CSMD1: variants seen among roughly 807,000 people sequenced by gnomAD.
The protein encoded by CSMD1 is CUB and sushi domain-containing protein 1.
CSMD1 carries 213 observed loss-of-function variants against 417.5 expected under a neutral mutation model. The ratio of observed to expected loss-of-function variants is 0.51; its 90% CI spans 0.46 to 0.57. The LOEUF (loss-of-function observed/expected upper bound fraction) is 0.57. CSMD1 is among the 20% of genes least tolerant of loss of function. The probability of loss-of-function intolerance (pLI) is 0.00; values close to 1 mark genes in which losing one functional copy is unlikely to be tolerated. For synonymous variants in CSMD1, 2,862 were observed against 1,736.8 expected (o/e 1.65, Z -16.11); for missense variants, 6,923 against 4,529.7 (o/e 1.53, Z -15.17).
chr8:3,391,794 G>C (rs1271956166), intron 17 of CSMD1, among the ~76,000 whole-genome samples: 1 of 152,194 alleles, frequency 6.6e-6, no homozygotes, highest in East Asian at 1.9e-4. Context: ...CATTTTGTCT[G>C]TAGAGATCAT....
intron 46 of CSMD1, among the ~76,000 whole-genome samples, chr8:3,098,777 C>A (rs1006440949): frequency 2.0e-5 from 3 of 152,186 alleles, no homozygotes; most frequent in Non-Finnish European, 2.9e-5. Context: ...AGAAGCTCCA[C>A]AGACCCGCCT....
At chr8:4,823,781 C>G (rs1000090603) in intron 1 of CSMD1, among the ~76,000 whole-genome samples, 1 of 151,566 alleles carries the variant, frequency 6.6e-6, no homozygotes, top group African/African-American at 2.4e-5. Context: ...AGTGTGTGCA[C>G]AAGTGTCTCA....
intron 6 of CSMD1, among the ~76,000 whole-genome samples, chr8:3,749,777 G>A (rs1027028615): frequency 2.0e-5 from 3 of 151,554 alleles, no homozygotes; most frequent in Admixed American, 6.6e-5. Flanking sequence ...CACCCATGTC[G>A]TTACATGTAG....
intron 1 of CSMD1, among the ~76,000 whole-genome samples, chr8:4,638,773 A>G (rs557795486): frequency 2.0e-5 from 3 of 152,306 alleles, no homozygotes; most frequent in South Asian, 4.1e-4. Flanking sequence ...TTGACATGAC[A>G]ATGGGAAATG....
intron 52 of CSMD1, among the ~76,000 whole-genome samples, chr8:3,006,436 T>C (rs1807908750): frequency 1.3e-5 from 2 of 151,562 alleles, no homozygotes; most frequent in Non-Finnish European, 2.9e-5. Flanking sequence ...AAAGTTCATA[T>C]GGAACCAAAA....
At chr8:4,659,010 G>T (rs1804417877) in intron 1 of CSMD1, among the ~76,000 whole-genome samples, 1 of 151,904 alleles carries the variant, frequency 6.6e-6, no homozygotes, top group Non-Finnish European at 1.5e-5. Flanking sequence ...ATACATAAAG[G>T]GAAATGAGAG....
At chr8:4,628,621 T>A (rs995829860) in intron 2 of CSMD1, among the ~76,000 whole-genome samples, 1 of 136,504 alleles carries the variant, frequency 7.3e-6, no homozygotes, top group South Asian at 2.4e-4. Context: ...TTAAAAAAAA[T>A]GCTCTCCTCA....
rs148755780 is a variant in CSMD1, at chr8:4,300,375, T to C, written c.415+119578A>G. ...AAATAAAATATATAAACTTTATTTC[T>C]CAATATATGCTCCATCAACCTCAAG... On this transcript the variant is annotated intron_variant, in intron 3 of 69. Coordinates refer to ENST00000635120, the MANE Select transcript of CSMD1 (RefSeq NM_033225.6). 7.7e-4 allele frequency among the ~76,000 whole-genome samples: 117 copies of C among 152,318 alleles called. 1 individual carries two copies. Among genetic ancestry groups the C allele is most frequent in the African/African-American group, 2.6e-3 (110 of 41,584 alleles).
At chr8:3,580,123 A>C (rs1327078629) in intron 9 of CSMD1, among the ~76,000 whole-genome samples, 1 of 152,124 alleles carries the variant, frequency 6.6e-6, no homozygotes, top group Non-Finnish European at 1.5e-5. Flanking sequence ...AGAAAATAAA[A>C]AGAAAGAAAA....
chr8:3,363,535 A>C (rs1370257589), intron 20 of CSMD1, among the ~76,000 whole-genome samples: 1 of 149,510 alleles, frequency 6.7e-6, no homozygotes, highest in African/African-American at 2.5e-5. Context: ...TTATTTATTT[A>C]TTATTTTTTT....
chr8:3,713,241 A>G (rs1801629803), intron 6 of CSMD1, among the ~76,000 whole-genome samples: 1 of 152,130 alleles, frequency 6.6e-6, no homozygotes, highest in Non-Finnish European at 1.5e-5. Context: ...CTCCTACATC[A>G]GCTGCCTTCA....
chr8:4,180,866 A>G (rs1254701768), intron 3 of CSMD1, among the ~76,000 whole-genome samples: 2 of 152,166 alleles, frequency 1.3e-5, no homozygotes, highest in Non-Finnish European at 1.5e-5. Flanking sequence ...TCACGATACT[A>G]AATTCTGAAC....
chr8:3,577,227 A>G (rs961201888), intron 9 of CSMD1, among the ~76,000 whole-genome samples: 2 of 137,406 alleles, frequency 1.5e-5, no homozygotes, highest in Non-Finnish European at 3.3e-5. Flanking sequence ...CATCTCATGA[A>G]ATGCATCTCA....
chr8:4,645,444 C>CAAGAAAA (rs1803458485), intron 1 of CSMD1, among the ~76,000 whole-genome samples: 1 of 36,850 alleles, frequency 2.7e-5, no homozygotes, highest in Non-Finnish European at 4.7e-5. Flanking sequence ...AGTGCAGGGG[C>CAAGAAAA]AAAAAAAAAA....
intron 1 of CSMD1, among the ~76,000 whole-genome samples, chr8:4,734,428 A>C (rs1194762652): frequency 6.6e-6 from 1 of 152,142 alleles, no homozygotes; most frequent in South Asian, 2.1e-4. Context: ...TGAAAAAAAA[A>C]GGTGAAAAGT....
At chr8:3,784,084 C>T (rs955527363) in intron 5 of CSMD1, among the ~76,000 whole-genome samples, 1 of 152,172 alleles carries the variant, frequency 6.6e-6, no homozygotes, top group East Asian at 1.9e-4. Context: ...TAAAATGCTT[C>T]GGAAAACATT....
chr8:4,389,026 G>A (rs996423722), intron 3 of CSMD1, among the ~76,000 whole-genome samples: 7 of 152,166 alleles, frequency 4.6e-5, no homozygotes, highest in Non-Finnish European at 1.0e-4. Flanking sequence ...CCAGCATTAA[G>A]TAAGCATGCA....
chr8:4,406,575 G>A (rs1188659013), intron 3 of CSMD1, among the ~76,000 whole-genome samples: 1 of 152,080 alleles, frequency 6.6e-6, no homozygotes, highest in African/African-American at 2.4e-5. Flanking sequence ...AGGCATATGA[G>A]CTTCTGAGAC....
intron 3 of CSMD1, among the ~76,000 whole-genome samples, chr8:4,418,129 A>G (rs1374410611): frequency 1.3e-5 from 2 of 152,072 alleles, no homozygotes; most frequent in Non-Finnish European, 2.9e-5. Flanking sequence ...CCTTTTTGAC[A>G]GGTTTTTTTC....
Sources: gnomAD v4.1 joint callset for allele counts (sites outside exome capture counted in the v4.1 genomes callset) on GRCh38, gnomAD v4.1.1 for gene constraint, MANE v1.5 for transcripts, NCBI Gene and HGNC (gene_info 2026-07-23, HGNC 2026-07-21) for gene names.